CCDC102B: variants seen among roughly 807,000 people sequenced by gnomAD.
CCDC102B encodes the protein coiled-coil domain containing 102B, also known as coiled-coil domain-containing protein 102B.
In CCDC102B, 75 loss-of-function variants were observed where a neutral mutation model predicts 57.4. The observed-to-expected ratio is 1.31, with a 90% CI of 1.08 to 1.58. The LOEUF is 1.58. Ranked by LOEUF, CCDC102B falls within the 40% of genes most tolerant of loss-of-function variation. The probability of loss-of-function intolerance (pLI) is 0.00; values close to 1 mark genes in which losing one functional copy is unlikely to be tolerated. For missense variants in CCDC102B, 636 were observed against 582.6 expected, an observed-to-expected ratio of 1.09 and a Z score of -0.94; for synonymous variants, 206 against 201.9, an observed-to-expected ratio of 1.02 and a Z score of -0.17.
At chr18:68,716,661 G>A (rs2032017531) in intron 2 of CCDC102B, 1 of 152,194 alleles carries the variant, frequency 6.6e-6, no homozygotes, top group South Asian at 2.1e-4. Flanking sequence ...TCCCAGGCAT[G>A]GGTGGCTCAT....
intron 5 of CCDC102B, among the ~76,000 whole-genome samples, chr18:68,893,246 G>A (rs2040138608): frequency 6.6e-6 from 1 of 152,050 alleles, no homozygotes; most frequent in Non-Finnish European, 1.5e-5. Context: ...ATAACACTAG[G>A]TTGTAGGAAA....
intron 2 of CCDC102B, among the ~76,000 whole-genome samples, chr18:68,736,776 A>G (rs1325575318): frequency 6.6e-6 from 1 of 152,076 alleles, no homozygotes; most frequent in Non-Finnish European, 1.5e-5. Context: ...CCCATGATTC[A>G]ATTACCTCCC....
chr18:68,753,192 T>C (rs1690066485), intron 2 of CCDC102B: 1 of 152,208 alleles, frequency 6.6e-6, no homozygotes, highest in African/African-American at 2.4e-5. Flanking sequence ...CATGGCATTA[T>C]TTTTCAATTT....
intron 2 of CCDC102B, among the ~76,000 whole-genome samples, chr18:68,743,385 G>A (rs2033484299): frequency 1.3e-5 from 2 of 152,074 alleles, no homozygotes; most frequent in Admixed American, 6.6e-5. Context: ...TCCAGACTGG[G>A]TGAGACAGAG....
At chr18:68,738,184 G>A (rs1422600689) in intron 2 of CCDC102B, among the ~76,000 whole-genome samples, 1 of 152,102 alleles carries the variant, frequency 6.6e-6, no homozygotes, top group Non-Finnish European at 1.5e-5. Context: ...GTATTCCTTG[G>A]TCGTATGTCC....
intron 6 of CCDC102B, among the ~76,000 whole-genome samples, chr18:68,898,964 C>T (rs1325861860): frequency 6.6e-6 from 1 of 152,012 alleles, no homozygotes; most frequent in African/African-American, 2.4e-5. Context: ...CACACCGAGT[C>T]CAGACCTGGT....
At chr18:68,736,399 G>C (rs1395759353) in intron 2 of CCDC102B, among the ~76,000 whole-genome samples, 1 of 152,160 alleles carries the variant, frequency 6.6e-6, no homozygotes, top group Admixed American at 6.5e-5. Context: ...GTGAATTAAC[G>C]CTGAGTATGA....
intron 6 of CCDC102B, among the ~76,000 whole-genome samples, chr18:68,966,349 T>C (rs2050165868): frequency 2.0e-5 from 3 of 152,048 alleles, no homozygotes; most frequent in African/African-American, 7.2e-5. Context: ...CACAATCCTT[T>C]GTTAAGAGCT....
intron 7 of CCDC102B, among the ~76,000 whole-genome samples, chr18:69,037,390 A>G (rs144468635): frequency 6.6e-6 from 1 of 152,086 alleles, no homozygotes; most frequent in East Asian, 1.9e-4. Flanking sequence ...ATTTAGCTTT[A>G]TAAGTTCAAG....
At chr18:68,719,317 A>G (rs1409820897) in intron 2 of CCDC102B, among the ~76,000 whole-genome samples, 1 of 152,208 alleles carries the variant, frequency 6.6e-6, no homozygotes, top group African/African-American at 2.4e-5. Context: ...ATGAAGACCA[A>G]GAAGTCTTAA....
chr18:68,852,198 C>T (rs2038160205), intron 4 of CCDC102B, among the ~76,000 whole-genome samples: 1 of 152,156 alleles, frequency 6.6e-6, no homozygotes, highest in African/African-American at 2.4e-5. Context: ...CTGAAAGAGC[C>T]ACAACTTGAC....
chr18:68,905,335 A>G (rs1266235321), intron 6 of CCDC102B, among the ~76,000 whole-genome samples: 1 of 114,146 alleles, frequency 8.8e-6, no homozygotes, highest in African/African-American at 3.3e-5. Flanking sequence ...ATAATGAGAT[A>G]AATAATTATT....
At chr18:69,004,110 A>G (rs1339208140) in intron 6 of CCDC102B, among the ~76,000 whole-genome samples, 1 of 152,194 alleles carries the variant, frequency 6.6e-6, no homozygotes, top group Non-Finnish European at 1.5e-5. Flanking sequence ...TCCATCATCT[A>G]TTTCCCATCC....
upstream of CCDC102B, among the ~76,000 whole-genome samples, chr18:68,796,441 T>C (rs1190096886): frequency 1.3e-5 from 2 of 152,050 alleles, no homozygotes; most frequent in Non-Finnish European, 2.9e-5. Context: ...AATTTTCTAG[T>C]TGAGGGGTAT....
chr18:68,890,594 T>G (rs1003610629), intron 5 of CCDC102B, among the ~76,000 whole-genome samples: 1 of 152,186 alleles, frequency 6.6e-6, no homozygotes, highest in African/African-American at 2.4e-5. Context: ...TACCAAGATA[T>G]GGAAGATTTT....
intron 6 of CCDC102B, among the ~76,000 whole-genome samples, chr18:68,922,341 C>T (rs2041311549): frequency 6.6e-6 from 1 of 152,130 alleles, no homozygotes; most frequent in South Asian, 2.1e-4. Context: ...TCAGAGGGGA[C>T]ACAGGTTACC....
intron 4 of CCDC102B, among the ~76,000 whole-genome samples, chr18:68,863,715 A>T (rs1022098952): frequency 2.3e-4 from 35 of 152,086 alleles, no homozygotes; most frequent in African/African-American, 8.2e-4. Flanking sequence ...ATCAAATTTG[A>T]TAAATTTTTC....
At chr18:68,945,154 C>G (rs984189632) in intron 6 of CCDC102B, among the ~76,000 whole-genome samples, 2 of 65,594 alleles carry the variant, frequency 3.0e-5, no homozygotes, top group African/African-American at 8.5e-5. Flanking sequence ...ACACACTCAT[C>G]TAGCTATCAC....
chr18:68,997,140 C>T (rs1205756511), intron 6 of CCDC102B, among the ~76,000 whole-genome samples: 2 of 152,106 alleles, frequency 1.3e-5, no homozygotes, highest in Non-Finnish European at 2.9e-5. Flanking sequence ...TGTAAGTTTC[C>T]TTAGGCCTCC....
Sources: gnomAD v4.1 joint callset for allele counts (sites outside exome capture counted in the v4.1 genomes callset) on GRCh38, gnomAD v4.1.1 for gene constraint, MANE v1.5 for transcripts, NCBI Gene and HGNC (gene_info 2026-07-23, HGNC 2026-07-21) for gene names.